Variants in SMG6 observed in about 807,000 individuals in gnomAD.
SMG6 encodes telomerase-binding protein EST1A.
In SMG6, 66 loss-of-function variants were observed where a neutral mutation model predicts 142.2. The observed-to-expected ratio is 0.46, with a 90% CI of 0.38 to 0.57. The LOEUF is 0.57. Ranked by LOEUF, SMG6 falls within the 20% of genes least tolerant of loss-of-function variation. SMG6 has a pLI of 0.00. For synonymous variants in SMG6, 779 were observed against 702.4 expected (o/e 1.11, Z -1.72); for missense variants, 1,793 against 1,832.0 (o/e 0.98, Z 0.39).
chr17:2,201,669 A>C (rs2072527670), intron 10 of SMG6, among the ~76,000 whole-genome samples: 2 of 140,232 alleles, frequency 1.4e-5, no homozygotes, highest in South Asian at 4.7e-4. Context: ...ACAAAGTGAG[A>C]CTTGATTCAA....
rs1041005816 is a variant in SMG6 at position 2,060,399 on chromosome 17, T to A, written c.*1093A>T. 2 of 152,274 alleles carry A rather than the reference T, an allele frequency of 1.3e-5. No homozygotes were observed. Among genetic ancestry groups the A allele is most frequent in the African/African-American group, 4.8e-5 (2 of 41,450 alleles). 9.4% of individuals were successfully genotyped at this position (152,274 alleles called of 1,614,324 possible). A position where few individuals can be genotyped will look rare whatever the true frequency, so the allele number is the denominator to read the frequency against. On this transcript the variant is annotated 3_prime_UTR_variant, in exon 19 of 19. Transcript: ENST00000263073. ...AGGCGACGGTGCCCCAGCACTGGAA[T>A]GCCTCAGGCTGGGCTGTCCACGCCT... is the stretch of plus-strand genomic sequence containing the variant.
chr17:2,190,643 C>T (rs1332512380), intron 10 of SMG6, among the ~76,000 whole-genome samples: 1 of 152,178 alleles, frequency 6.6e-6, no homozygotes, highest in Non-Finnish European at 1.5e-5. Context: ...AAGGCTCCTG[C>T]AATAAGGTCT....
chr17:2,258,755 G>A (rs422632), intron 8 of SMG6, among the ~76,000 whole-genome samples: 86,239 of 148,724 alleles, frequency 0.58, 26,079 homozygotes, highest in East Asian at 0.75. Flanking sequence ...CTGTGATCAC[G>A]CCACTGCACT....
rs576625998 is a variant in SMG6, at chr17:2,112,362, G to A, written c.3358-26461C>T. On this transcript the variant is annotated intron_variant, in intron 13 of 18. Transcript: ENST00000263073. ...TACTAAAAATACAAAAAAAAAATTA[G>A]CCAGGCGTCGTGGCGGGCGTCTGGA... Among the ~76,000 whole-genome samples, 7 of 151,610 alleles carry A rather than the reference G, an allele frequency of 4.6e-5. No individual in the cohort carries two copies. The East Asian group carries it at 9.7e-4, about 21-fold the overall frequency.
At chr17:2,174,123 G>A (rs1481959374) in intron 12 of SMG6, among the ~76,000 whole-genome samples, 1 of 152,196 alleles carries the variant, frequency 6.6e-6, no homozygotes, top group Non-Finnish European at 1.5e-5. Flanking sequence ...CCTGGGCGGG[G>A]TGTGGTGGCT....
intron 10 of SMG6, among the ~76,000 whole-genome samples, chr17:2,221,017 A>G (rs2073155248): frequency 3.3e-5 from 5 of 152,250 alleles, no homozygotes; most frequent in Admixed American, 3.3e-4. Context: ...TAGGGAAATA[A>G]AAAAGTATTT....
intron 9 of SMG6, among the ~76,000 whole-genome samples, chr17:2,242,689 T>TAAA (rs57079220): frequency 1.3e-3 from 72 of 55,852 alleles, no homozygotes; most frequent in African/African-American, 4.9e-3. Context: ...TCCATCTCTT[T>TAAA]AAAAAAAAAA....
intron 10 of SMG6, among the ~76,000 whole-genome samples, chr17:2,191,836 T>G (rs1195954025): frequency 1.3e-5 from 2 of 152,214 alleles, no homozygotes; most frequent in East Asian, 3.8e-4. Context: ...GTCGTCAAAG[T>G]TGCATGAAAT....
At chr17:2,122,600 T>TA in intron 13 of SMG6, 1 of 152,256 alleles carries the variant, frequency 6.6e-6, no homozygotes, top group East Asian at 1.9e-4. Context: ...ACAAGAGATG[T>TA]AAATCTAGCT....
At chr17:2,239,395 G>A (rs2073747605) in intron 9 of SMG6, among the ~76,000 whole-genome samples, 1 of 152,090 alleles carries the variant, frequency 6.6e-6, no homozygotes, top group Admixed American at 6.5e-5. Flanking sequence ...TACAAAAAGT[G>A]GTCATTTATA....
chr17:2,300,393 G>A lies in SMG6; in HGVS notation c.360C>T (p.Ser120=), dbSNP rs764712516. The part of the protein sequence containing the change: ...IDPENNRGQE[S]FPRTAGQEDR... The stretch of plus-strand genomic sequence containing the variant: ...CCTCTTGTCCAGCAGTCCTAGGAAA[G>A]GATTCTTGTCCCCGATTATTTTCTG... Residue 120 remains serine, a synonymous_variant, in exon 2 of 19, where the codon TCC becomes TCT. Transcript: ENST00000263073. The A allele has an allele frequency of 1.4e-5, 22 of 1,613,956 alleles. 1 individual carries two copies. In the Admixed American group the frequency reaches 2.7e-4, roughly 20 times the overall value.
intron 13 of SMG6, among the ~76,000 whole-genome samples, chr17:2,153,553 T>A (rs2070890928): frequency 1.3e-5 from 2 of 152,232 alleles, no homozygotes; most frequent in South Asian, 4.1e-4. Context: ...GGTAAACTGG[T>A]GGAACGCCAC....
At position 2,282,896 on chromosome 17, in the gene SMG6, T is replaced by C. The variant is rs371353144; in HGVS notation, c.2449-37A>G. On this transcript the variant is annotated intron_variant, in intron 7 of 18. Transcript: ENST00000263073. ...ACAAACACATTAGCTCATGGCCTGG[T>C]GTGGTGGCTCACGCCTGTAATCCCA... is the stretch of plus-strand genomic sequence containing the variant. The C allele has an allele frequency of 5.7e-4, 921 of 1,602,374 alleles. 1 individual carries two copies. Among genetic ancestry groups the C allele is most frequent in the Non-Finnish European group, 7.4e-4 (862 of 1,169,878 alleles).
chr17:2,284,948 T>C (rs2074871906), intron 6 of SMG6, among the ~76,000 whole-genome samples: 1 of 152,224 alleles, frequency 6.6e-6, no homozygotes, highest in South Asian at 2.1e-4. Context: ...TGTATTATAT[T>C]AATTCTATAA....
At chr17:2,265,452 G>A (rs2074403164) in intron 8 of SMG6, among the ~76,000 whole-genome samples, 1 of 152,044 alleles carries the variant, frequency 6.6e-6, no homozygotes, top group Non-Finnish European at 1.5e-5. Context: ...GGAGGTTGCA[G>A]TGAGCTGAGA....
chr17:2,277,944 A>G (rs2074698262), intron 8 of SMG6, among the ~76,000 whole-genome samples: 2 of 152,184 alleles, frequency 1.3e-5, no homozygotes, highest in South Asian at 4.1e-4. Context: ...GCTACTCAGA[A>G]GACTAAGGCA....
At chr17:2,224,491 G>C (rs565469736) in intron 10 of SMG6, among the ~76,000 whole-genome samples, 1 of 152,044 alleles carries the variant, frequency 6.6e-6, no homozygotes, top group Admixed American at 6.5e-5. Flanking sequence ...TTAATAGAAG[G>C]TTAGATATAG....
At chr17:2,225,322 CAAAAAAAA>C (rs1412943202) in intron 10 of SMG6, among the ~76,000 whole-genome samples, 10 of 125,516 alleles carry the variant, frequency 8.0e-5, no homozygotes, top group Non-Finnish European at 1.6e-4. Flanking sequence ...ACTAAAAATA[CAAAAAAAA>C]GAAAAAAAGA....
intron 4 of SMG6, among the ~76,000 whole-genome samples, chr17:2,296,570 G>A (rs985329055): frequency 6.6e-6 from 1 of 152,174 alleles, no homozygotes; most frequent in East Asian, 1.9e-4. Context: ...GTTCTCACAG[G>A]TGCGCAAACC....
Sources: allele counts gnomAD v4.1 joint callset (sites outside exome capture counted in the v4.1 genomes callset), GRCh38; gene constraint gnomAD v4.1.1; transcripts MANE v1.5; gene names NCBI Gene and HGNC (gene_info 2026-07-23, HGNC 2026-07-21).